MTMR12: variants seen among roughly 807,000 people sequenced by gnomAD.
MTMR12 encodes myotubularin-related protein 12.
Under a neutral mutation model 96.7 loss-of-function variants are expected in MTMR12, and 33 were observed. That is an observed-to-expected ratio of 0.34 (90% CI 0.26 to 0.46). MTMR12 has a LOEUF of 0.46. MTMR12 is among the 20% of genes least tolerant of loss of function. MTMR12 has a pLI of 1.00. For synonymous variants in MTMR12, 298 were observed against 327.2 expected (o/e 0.91, Z 0.96); for missense variants, 721 against 896.1 (o/e 0.80, Z 2.49).
At chr5:32,302,592 C>A (rs1300226416) in intron 1 of MTMR12, among the ~76,000 whole-genome samples, 2 of 152,096 alleles carry the variant, frequency 1.3e-5, no homozygotes. Flanking sequence ...TGGCACGAGC[C>A]TGTAATCCCA....
At chr5:32,264,434 A>G (rs1031067635) in intron 6 of MTMR12, among the ~76,000 whole-genome samples, 1 of 151,978 alleles carries the variant, frequency 6.6e-6, no homozygotes, top group South Asian at 2.1e-4. Flanking sequence ...AGCACTTACT[A>G]GGTACCAGGT....
intron 10 of MTMR12, among the ~76,000 whole-genome samples, chr5:32,247,093 T>C (rs1748721326): frequency 6.6e-6 from 1 of 152,216 alleles, no homozygotes; most frequent in South Asian, 2.1e-4. Context: ...CTCATGCCTA[T>C]AATCCCAGCA....
chr5:32,308,127 G>A (rs1751427238), intron 1 of MTMR12, among the ~76,000 whole-genome samples: 1 of 152,120 alleles, frequency 6.6e-6, no homozygotes, highest in Non-Finnish European at 1.5e-5. Context: ...TTCGAGACCA[G>A]CCTGGCCAAT....
intron 1 of MTMR12, among the ~76,000 whole-genome samples, chr5:32,308,165 T>G (rs1433675461): frequency 3.3e-5 from 5 of 151,822 alleles, no homozygotes; most frequent in African/African-American, 9.7e-5. Flanking sequence ...CTACTAAAAA[T>G]ACAAACATTA....
chr5:32,245,043 T>C (rs770699577), intron 10 of MTMR12, among the ~76,000 whole-genome samples: 16 of 152,220 alleles, frequency 1.1e-4, no homozygotes, highest in Non-Finnish European at 1.8e-4. Flanking sequence ...TTGTGTTTTT[T>C]TTGAGATGGA....
chr5:32,279,414 T>C (rs1750195016), intron 1 of MTMR12, among the ~76,000 whole-genome samples: 1 of 151,638 alleles, frequency 6.6e-6, no homozygotes, highest in Non-Finnish European at 1.5e-5. Flanking sequence ...AGCAAAACCG[T>C]GTCTCAAAAA....
chr5:32,289,001 T>G (rs1581636327), intron 1 of MTMR12, among the ~76,000 whole-genome samples: 1 of 152,202 alleles, frequency 6.6e-6, no homozygotes, highest in African/African-American at 2.4e-5. Flanking sequence ...TGTCTCTGTA[T>G]GTCAAATCTA....
intron 1 of MTMR12, chr5:32,296,527 A>C (rs1260058366): frequency 9.2e-6 from 3 of 324,336 alleles, no homozygotes; most frequent in African/African-American, 6.6e-5. Flanking sequence ...GGGCATGGCG[A>C]TTTACACTTT....
chr5:32,272,722 G>T (rs1378848044), intron 3 of MTMR12, among the ~76,000 whole-genome samples: 2 of 152,124 alleles, frequency 1.3e-5, no homozygotes, highest in Non-Finnish European at 2.9e-5. Context: ...AACCCACCAT[G>T]CCACACACAA....
rs553186404 is a variant in MTMR12, at chr5:32,255,742, G to A, written c.740C>T (p.Thr247Ile). 6.2e-7 allele frequency: 1 copy of A among 1,612,970 alleles called. No individual in the cohort carries two copies. The highest frequency in any genetic ancestry group is 8.5e-7 in the Non-Finnish European group (1 of 1,179,594). ...CTGCACATTCTCTTCAGGAAGAGGG[G>A]TGGGGACAACAAAGTATGCTGGCAA... is the stretch of plus-strand genomic sequence containing the variant. ...ERLPAYFVVP[T>I]PLPEENVQRF... Residue 247 changes from threonine to isoleucine, a missense_variant, in exon 8 of 16, where the codon ACC (threonine) becomes ATC (isoleucine). Thr to Ile is a moderately conservative substitution (Grantham distance 89). Coordinates refer to ENST00000382142, the MANE Select transcript of MTMR12 (RefSeq NM_001040446.3).
At chr5:32,247,878 TC>T in intron 10 of MTMR12, 123 bp downstream of exon 10, 1 of 1,412,042 alleles carries the variant, frequency 7.1e-7, no homozygotes, top group South Asian at 1.7e-5. Flanking sequence ...CTCCATGACA[TC>T]ACAGCCCTGG....
At chr5:32,250,233 T>C (rs537359723) in intron 8 of MTMR12, among the ~76,000 whole-genome samples, 1 of 152,224 alleles carries the variant, frequency 6.6e-6, no homozygotes, top group East Asian at 1.9e-4. Flanking sequence ...TGTGGAGATA[T>C]TCAGGAGGCC....
intron 1 of MTMR12, among the ~76,000 whole-genome samples, chr5:32,297,402 T>C (rs1750969937): frequency 6.6e-6 from 1 of 152,204 alleles, no homozygotes; most frequent in Non-Finnish European, 1.5e-5. Flanking sequence ...CCTACAAATG[T>C]TCTTTCAGTT....
At chr5:32,292,283 C>T (rs1750765731) in intron 1 of MTMR12, among the ~76,000 whole-genome samples, 3 of 152,220 alleles carry the variant, frequency 2.0e-5, no homozygotes, top group South Asian at 2.1e-4. Context: ...CCAGGATTCA[C>T]GGGTCCAGGA....
At chr5:32,235,364 A>C (rs1028253194) in intron 13 of MTMR12, among the ~76,000 whole-genome samples, 1 of 152,240 alleles carries the variant, frequency 6.6e-6, no homozygotes, top group Non-Finnish European at 1.5e-5. Context: ...AATATGTAAA[A>C]ACCTCATTAT....
At chr5:32,242,008 C>T in intron 12 of MTMR12, 49 bp downstream of exon 12, 1 of 1,498,630 alleles carries the variant, frequency 6.7e-7, no homozygotes, top group Non-Finnish European at 9.2e-7. Context: ...AAAATTGAAT[C>T]TCAAGTGAAG....
At chr5:32,295,291 C>T (rs933527468) in intron 1 of MTMR12, among the ~76,000 whole-genome samples, 2 of 152,260 alleles carry the variant, frequency 1.3e-5, no homozygotes, top group Non-Finnish European at 2.9e-5. Context: ...ACTCTGACAA[C>T]AAACCAAGAG....
At chr5:32,290,416 C>G (rs1217234064) in intron 1 of MTMR12, among the ~76,000 whole-genome samples, 1 of 152,106 alleles carries the variant, frequency 6.6e-6, no homozygotes, top group Non-Finnish European at 1.5e-5. Flanking sequence ...TAGGGAACTT[C>G]TACCTCAGTA....
chr5:32,252,395 T>C (rs1331127567), intron 8 of MTMR12, among the ~76,000 whole-genome samples: 1 of 152,246 alleles, frequency 6.6e-6, no homozygotes, highest in East Asian at 1.9e-4. Context: ...GTGAATGAAA[T>C]GAAAGATTGA....
Sources: gnomAD v4.1 joint callset for allele counts (sites outside exome capture counted in the v4.1 genomes callset) on GRCh38, gnomAD v4.1.1 for gene constraint, MANE v1.5 for transcripts, NCBI Gene and HGNC (gene_info 2026-07-23, HGNC 2026-07-21) for gene names.